The following POLQ variants were observed in gnomAD, a reference collection of about 807,000 sequenced individuals.
The protein encoded by POLQ is epididymis secretory sperm binding protein.
A neutral mutation model predicts 259.2 loss-of-function variants in POLQ; 233 were observed. That is an observed-to-expected ratio of 0.90 (90% CI 0.81 to 1.00). The LOEUF is 1.00. POLQ is among the 50% of genes least tolerant of loss of function. The probability of loss-of-function intolerance (pLI) is 0.00; values close to 1 mark genes in which losing one functional copy is unlikely to be tolerated. For synonymous variants in POLQ, 1,025 were observed against 1,048.8 expected (o/e 0.98, Z 0.44); for missense variants, 2,871 against 3,051.6 (o/e 0.94, Z 1.39).
At chr3:121,453,093 G>C (rs1490303378) in intron 25 of POLQ, among the ~76,000 whole-genome samples, 1 of 152,230 alleles carries the variant, frequency 6.6e-6, no homozygotes, top group Non-Finnish European at 1.5e-5. Flanking sequence ...AAAATCCGCT[G>C]TTCTGCAGTC....
chr3:121,504,731 G>A (rs998642967), intron 12 of POLQ, among the ~76,000 whole-genome samples: 3 of 152,164 alleles, frequency 2.0e-5, no homozygotes, highest in Non-Finnish European at 2.9e-5. Flanking sequence ...TTTTGGAATG[G>A]AAGTATTTAT....
rs768346337 is a variant in POLQ, at chr3:121,432,101, T to A, written c.*203A>T. On this transcript the variant is annotated 3_prime_UTR_variant, in exon 30 of 30. Coordinates refer to ENST00000264233, the MANE Select transcript of POLQ (RefSeq NM_199420.4). Reference sequence around the variant, plus strand: ...GTGAATGTAACTATTATACTTGGTATTCTACTTCCCCCACGCCCCCAGAAG... The same window carrying A: ...GTGAATGTAACTATTATACTTGGTAATCTACTTCCCCCACGCCCCCAGAAG... The A allele has an allele frequency of 4.4e-6, 2 of 459,570 alleles. No homozygotes were observed. The highest frequency in any genetic ancestry group is 7.5e-6 in the Non-Finnish European group (2 of 266,410). 28.5% of individuals were successfully genotyped at this position (459,570 alleles called of 1,614,324 possible).
At position 121,510,229 on chromosome 3, in the gene POLQ, T is replaced by G. The variant is rs1376464261; in HGVS notation, c.1626A>C (p.Gly542=). 1.2e-6 allele frequency: 2 copies of G among 1,610,188 alleles called. No homozygotes were observed. The highest frequency in any genetic ancestry group is 1.7e-6 in the Non-Finnish European group (2 of 1,176,720). Reference sequence around the variant, plus strand: ...GCATATCTTGTGATGTACTTGCCACTCCACCAACTATTATCTGAAAGAAGA... The same window carrying G: ...GCATATCTTGTGATGTACTTGCCACGCCACCAACTATTATCTGAAAGAAGA... ...IRAILEIIVG[G]VASTSQDMHT... Residue 542 remains glycine (G), a synonymous_variant, in exon 11 of 30, where the codon GGA becomes GGC. Coordinates refer to ENST00000264233, the MANE Select transcript of POLQ (RefSeq NM_199420.4).
chr3:121,488,687 G>A lies in POLQ; in HGVS notation c.4244C>T (p.Pro1415Leu), dbSNP rs201514851. 160 of 1,612,762 alleles carry A rather than the reference G, an allele frequency of 9.9e-5. No individual in the cohort carries two copies. Among genetic ancestry groups the A allele is most frequent in the South Asian group, 2.0e-4 (18 of 90,564 alleles). ...HGVDILTPES[P>L]IFHSPILLEE... ...CAATAGTATTGGAGAATGGAAAATCGGGCTTTCTGGAGTCAGGATATCAAC... is the reference window on the plus strand; with the variant it reads ...CAATAGTATTGGAGAATGGAAAATCAGGCTTTCTGGAGTCAGGATATCAAC... Residue 1415 changes from proline to leucine, a missense_variant, in exon 16 of 30, where the codon CCG becomes CTG. Around this residue, in one of 3 missense-constraint regions of POLQ, gnomAD observed 2,080 missense variants for 2,126.0 expected, o/e 0.98. Transcript: ENST00000264233.
intron 16 of POLQ, 50 bp downstream of exon 16, chr3:121,487,252 C>A: frequency 1.0e-6 from 1 of 966,168 alleles, no homozygotes; most frequent in South Asian, 1.8e-5. Flanking sequence ...TTATCTCAGT[C>A]TACTAAGTAG....
At position 121,487,534 on chromosome 3, in the gene POLQ, A is replaced by C. The variant is rs756742642; in HGVS notation, c.5397T>G (p.Ile1799Met). 1.2e-6 allele frequency: 2 copies of C among 1,614,030 alleles called. No individual in the cohort carries two copies. Residue 1799 changes from isoleucine (I) to methionine (M), a missense_variant, in exon 16 of 30, where the codon ATT (isoleucine) becomes ATG (methionine). Ile to Met is a conservative substitution (Grantham distance 10). This residue lies in a region of POLQ where 2,080 missense variants were observed against 2,126.0 expected (regional missense o/e 0.98). Coordinates refer to ENST00000264233, the MANE Select transcript of POLQ (RefSeq NM_199420.4). The stretch of plus-strand genomic sequence containing the variant: ...ACTGAAGTGAAAAGCTTGTGTCACT[A>C]ATAGGGCTGTTGTCTTTGAACCCAT... The part of the protein sequence containing the change: ...SRNGFKDNSP[I>M]SDTSFSLQLS...
intron 22 of POLQ, among the ~76,000 whole-genome samples, chr3:121,469,728 A>G (rs2047868098): frequency 6.6e-6 from 1 of 152,236 alleles, no homozygotes; most frequent in Non-Finnish European, 1.5e-5. Flanking sequence ...ACCAAAAAAA[A>G]TGGTAAAAAT....
At chr3:121,503,808 CTGTAT>C (rs2048190313) in intron 12 of POLQ, among the ~76,000 whole-genome samples, 1 of 152,264 alleles carries the variant, frequency 6.6e-6, no homozygotes, top group Admixed American at 6.5e-5. Flanking sequence ...AGCTGATATA[CTGTAT>C]TGTTTAGGGA....
chr3:121,503,436 CA>C (rs1176570160), intron 12 of POLQ, among the ~76,000 whole-genome samples: 1 of 152,158 alleles, frequency 6.6e-6, no homozygotes, highest in African/African-American at 2.4e-5. Context: ...AAAAGAGGTA[CA>C]GGGGAACAAA....
intron 14 of POLQ, 95 bp from the exon 15 acceptor site, chr3:121,493,816 C>A: frequency 8.3e-7 from 1 of 1,210,236 alleles, no homozygotes. Context: ...TTGTTTTTTC[C>A]CTGCAAAATT....
intron 12 of POLQ, 58 bp downstream of exon 12, chr3:121,509,503 T>A: frequency 6.9e-7 from 1 of 1,439,238 alleles, no homozygotes; most frequent in Non-Finnish European, 9.6e-7. Flanking sequence ...TGTTCAGGAT[T>A]ATATATCTAT....
chr3:121,482,194 G>A (rs182031802), intron 18 of POLQ, among the ~76,000 whole-genome samples: 1 of 152,274 alleles, frequency 6.6e-6, no homozygotes, highest in African/African-American at 2.4e-5. Flanking sequence ...GGCCTGTGAG[G>A]TTTTAGGTAT....
At chr3:121,525,404 C>G (rs957073163) in intron 7 of POLQ, among the ~76,000 whole-genome samples, 1 of 151,304 alleles carries the variant, frequency 6.6e-6, no homozygotes, top group African/African-American at 2.4e-5. Flanking sequence ...GGAAGTAGAT[C>G]ATCATAAAAG....
intron 9 of POLQ, among the ~76,000 whole-genome samples, chr3:121,512,747 T>C (rs2048264349): frequency 6.6e-6 from 1 of 152,174 alleles, no homozygotes; most frequent in Non-Finnish European, 1.5e-5. Context: ...AGGAAAAGTC[T>C]TTTTCTTCCC....
At chr3:121,526,907 G>A (rs1038891502) in intron 7 of POLQ, among the ~76,000 whole-genome samples, 7 of 151,918 alleles carry the variant, frequency 4.6e-5, no homozygotes, top group South Asian at 2.1e-4. Context: ...GCGCACGCAC[G>A]TGCATCTGTG....
chr3:121,511,035 G>A (rs2048251191), intron 10 of POLQ, among the ~76,000 whole-genome samples: 1 of 152,136 alleles, frequency 6.6e-6, no homozygotes, highest in Non-Finnish European at 1.5e-5. Context: ...AAACCTTCCT[G>A]GCTAACACGG....
chr3:121,476,614 C>A lies in POLQ; in HGVS notation c.6331G>T (p.Asp2111Tyr), dbSNP rs1302753267. ...SQKHIMQAKL[D>Y]AIETQAYQLA... ...TGATAGGCCTGGGTCTCAATTGCAT[C>A]CAGCTTGGCTTGCATTATATGTTTC... is the stretch of plus-strand genomic sequence containing the variant. Residue 2111 changes from aspartate to tyrosine, a missense_variant, in exon 20 of 30, where the codon GAT (aspartate) becomes TAT (tyrosine). Around this residue, in one of 3 missense-constraint regions of POLQ, gnomAD observed 2,080 missense variants for 2,126.0 expected, o/e 0.98. Coordinates refer to ENST00000264233, the MANE Select transcript of POLQ (RefSeq NM_199420.4). The A allele has an allele frequency of 6.2e-7, 1 of 1,613,818 alleles. No homozygotes were observed. The highest frequency in any genetic ancestry group is 8.5e-7 in the Non-Finnish European group (1 of 1,179,870).
Position 121,431,852 on chromosome 3 carries a change from G to GA in POLQ, c.*451dup. ...CCGTACTGTAAAATTGATATTAGAG[G>GA]AAAAAAAGTCACACACGATGCCTAC... On this transcript the variant is annotated 3_prime_UTR_variant, in exon 30 of 30. Transcript: ENST00000264233. 6.4e-6 allele frequency: 1 copy of GA among 155,198 alleles called. No homozygotes were observed. Among genetic ancestry groups the GA allele is most frequent in the Non-Finnish European group, 1.4e-5 (1 of 69,882 alleles). The allele number at this position is 155,198 out of a possible 1,614,324, so 9.6% of individuals were successfully genotyped here. A position where few individuals can be genotyped will look rare whatever the true frequency, so the allele number is the denominator to read the frequency against.
At chr3:121,433,063 C>A in intron 28 of POLQ, 30 bp from the exon 29 acceptor site, 1 of 1,150,312 alleles carries the variant, frequency 8.7e-7, no homozygotes, top group Non-Finnish European at 1.3e-6. Flanking sequence ...CAAAACTGAT[C>A]AGCATGTCGC....
Sources: gnomAD v4.1 joint callset for allele counts (sites outside exome capture counted in the v4.1 genomes callset) on GRCh38, gnomAD v4.1.1 for gene constraint, gnomAD v4.1.1 regional missense constraint, MANE v1.5 for transcripts, NCBI Gene and HGNC (gene_info 2026-07-23, HGNC 2026-07-21) for gene names.